The following IFT88 variants were observed in gnomAD, a reference collection of about 807,000 sequenced individuals.
IFT88 encodes the protein intraflagellar transport protein 88 homolog.
Under a neutral mutation model 119.5 loss-of-function variants are expected in IFT88, and 74 were observed. The ratio of observed to expected loss-of-function variants is 0.62; its 90% CI spans 0.51 to 0.75. The LOEUF (loss-of-function observed/expected upper bound fraction) is 0.75, where lower values mean the gene tolerates loss of function less well. Ranked by LOEUF, IFT88 falls within the 30% of genes least tolerant of loss-of-function variation. IFT88 has a pLI of 0.00. For synonymous variants in IFT88, 279 were observed against 316.7 expected (o/e 0.88, Z 1.26); for missense variants, 961 against 977.7 (o/e 0.98, Z 0.23).
At chr13:20,602,065 T>C in intron 12 of IFT88, 132 bp downstream of exon 12, 1 of 603,142 alleles carries the variant, frequency 1.7e-6, no homozygotes, top group South Asian at 2.3e-5. Context: ...TTATTATTGA[T>C]GTATTTCATT....
At chr13:20,640,954 T>C (rs1478381628) in intron 17 of IFT88, among the ~76,000 whole-genome samples, 1 of 152,182 alleles carries the variant, frequency 6.6e-6, no homozygotes, top group South Asian at 2.1e-4. Flanking sequence ...CAGACCAGCC[T>C]GAGCAACATG....
At chr13:20,585,694 T>A (rs2138453827) in intron 3 of IFT88, among the ~76,000 whole-genome samples, 1 of 152,264 alleles carries the variant, frequency 6.6e-6, no homozygotes, top group African/African-American at 2.4e-5. Context: ...ACAAAGACAC[T>A]CCCGTCAGGC....
chr13:20,637,027 TGAAA>T (rs981182793), intron 16 of IFT88, among the ~76,000 whole-genome samples: 2 of 152,118 alleles, frequency 1.3e-5, no homozygotes, highest in Non-Finnish European at 1.5e-5. Flanking sequence ...TTATGCTAAG[TGAAA>T]GAAGTCAGAC....
intron 14 of IFT88, among the ~76,000 whole-genome samples, chr13:20,616,733 C>T (rs184370596): frequency 8.5e-5 from 13 of 152,274 alleles, no homozygotes; most frequent in African/African-American, 3.1e-4. Flanking sequence ...GTATTATGTA[C>T]TGTACATAAT....
chr13:20,592,908 A>G (rs1307461045), intron 7 of IFT88, among the ~76,000 whole-genome samples: 1 of 151,998 alleles, frequency 6.6e-6, no homozygotes, highest in African/African-American at 2.4e-5. Flanking sequence ...TGCCAGAACT[A>G]ACAAAATTAA....
chr13:20,608,293 T>C (rs1383705626), intron 13 of IFT88, among the ~76,000 whole-genome samples: 2 of 152,218 alleles, frequency 1.3e-5, no homozygotes, highest in Admixed American at 6.5e-5. Context: ...GCACCGGGGT[T>C]CCTGGCGCCC....
rs1212298384 is a variant in IFT88, at chr13:20,626,804, C to T, written c.1299+955C>T. Among the ~76,000 whole-genome samples, 3 of 152,248 alleles carry T rather than the reference C, an allele frequency of 2.0e-5. No individual in the cohort carries two copies. In the East Asian group the frequency reaches 5.8e-4, roughly 29 times the overall value. Reference sequence around the variant, plus strand: ...TAACCAAAGAGAGTAAACAGAATGACGTGATGTCCTAGTCTGTAACACCAG... The same window carrying T: ...TAACCAAAGAGAGTAAACAGAATGATGTGATGTCCTAGTCTGTAACACCAG... On this transcript the variant is annotated intron_variant, in intron 15 of 25. Transcript: ENST00000351808.
intron 17 of IFT88, among the ~76,000 whole-genome samples, chr13:20,638,957 C>T (rs1436699653): frequency 6.6e-6 from 1 of 152,196 alleles, no homozygotes; most frequent in East Asian, 1.9e-4. Flanking sequence ...GACACATTTT[C>T]ACATTTTGCC....
intron 1 of IFT88, among the ~76,000 whole-genome samples, chr13:20,569,614 ATAGTACAAAGAATG>A (rs1369612033): frequency 3.3e-5 from 5 of 151,926 alleles, no homozygotes; most frequent in Non-Finnish European, 2.9e-5. Flanking sequence ...GCTTCAGAGG[ATAGTACAAAGAATG>A]TAAAATGATG....
At chr13:20,663,157 T>G (rs975484807) in intron 22 of IFT88, 1 of 920,906 alleles carries the variant, frequency 1.1e-6, no homozygotes, top group African/African-American at 1.7e-5. Context: ...TAGTCTCTCT[T>G]ATAGCTCTTT....
At chr13:20,617,172 CATA>C (rs2045764874) in intron 14 of IFT88, among the ~76,000 whole-genome samples, 1 of 152,048 alleles carries the variant, frequency 6.6e-6, no homozygotes, top group Non-Finnish European at 1.5e-5. Flanking sequence ...GATACTATTA[CATA>C]TGATACAGTT....
intron 22 of IFT88, among the ~76,000 whole-genome samples, chr13:20,660,069 T>C (rs1219262489): frequency 1.3e-5 from 2 of 152,224 alleles, no homozygotes; most frequent in Admixed American, 1.3e-4. Flanking sequence ...ATCCTTGATG[T>C]CGTGGAACTT....
At chr13:20,677,649 G>A (rs1239118922) in intron 24 of IFT88, among the ~76,000 whole-genome samples, 1 of 152,172 alleles carries the variant, frequency 6.6e-6, no homozygotes, top group Non-Finnish European at 1.5e-5. Context: ...ATGCTCTTCA[G>A]TGTTTCTAGA....
chr13:20,640,767 C>G (rs2049810326), intron 17 of IFT88, among the ~76,000 whole-genome samples: 2 of 152,150 alleles, frequency 1.3e-5, no homozygotes, highest in South Asian at 4.2e-4. Context: ...CTGCCCCCTA[C>G]CACACTTTTA....
intron 22 of IFT88, among the ~76,000 whole-genome samples, chr13:20,659,963 C>T (rs540730015): frequency 2.0e-5 from 3 of 152,128 alleles, no homozygotes; most frequent in Non-Finnish European, 4.4e-5. Flanking sequence ...TCTTAAATTG[C>T]TGGTATATTT....
rs189413815 is a variant in IFT88, at chr13:20,618,300, G to C, written c.1199+2421G>C. The stretch of plus-strand genomic sequence containing the variant: ...TACTTGTTAAAAGTGCGGATAATCT[G>C]GCTCCCCACATCTTTCTCTGTAGAT... On this transcript the variant is annotated intron_variant, in intron 14 of 25. Coordinates refer to ENST00000351808, the MANE Select transcript of IFT88 (RefSeq NM_006531.5). 2.3e-3 allele frequency among the ~76,000 whole-genome samples: 356 copies of C among 152,282 alleles called. 1 individual carries two copies. Among genetic ancestry groups the C allele is most frequent in the South Asian group, 0.017 (82 of 4,816 alleles).
At position 20,598,719 on chromosome 13, in the gene IFT88, A is replaced by C. The variant is rs142815394; in HGVS notation, c.663A>C (p.Gln221His). ...ATGCCGAAGCACTTAACACTTATCAAGTTATAGTCAAAAATAAGATGTTTA... is the reference window on the plus strand; with the variant it reads ...ATGCCGAAGCACTTAACACTTATCACGTTATAGTCAAAAATAAGATGTTTA... ...EMYAEALNTY[Q>H]VIVKNKMFSN... The change falls in exon 10 of 26, where the codon CAA becomes CAC. Residue 221 changes from glutamine to histidine, a missense_variant. Physicochemically the swap from Gln to His is conservative, Grantham distance 24. Transcript: ENST00000351808. 3.7e-6 allele frequency: 6 copies of C among 1,609,498 alleles called. No homozygotes were observed. In the African/African-American group the frequency reaches 8.0e-5, roughly 21 times the overall value.
chr13:20,653,828 T>G, intron 20 of IFT88, 48 bp from the exon 21 acceptor site: 1 of 1,045,726 alleles, frequency 9.6e-7, no homozygotes, highest in South Asian at 1.6e-5. Flanking sequence ...AAACTGAGCA[T>G]CACAGATTTT....
intron 3 of IFT88, among the ~76,000 whole-genome samples, chr13:20,586,129 T>G (rs1458349576): frequency 6.6e-6 from 1 of 152,224 alleles, no homozygotes; most frequent in Non-Finnish European, 1.5e-5. Context: ...TCTTATTTTA[T>G]AGATGAGGAA....
Sources: allele counts gnomAD v4.1 joint callset (sites outside exome capture counted in the v4.1 genomes callset), GRCh38; gene constraint gnomAD v4.1.1; transcripts MANE v1.5; gene names NCBI Gene and HGNC (gene_info 2026-07-23, HGNC 2026-07-21).